KCNH5: variants seen among roughly 807,000 people sequenced by gnomAD.
The protein encoded by KCNH5 is potassium voltage-gated channel subfamily H member 5.
A neutral mutation model predicts 96.1 loss-of-function variants in KCNH5; 46 were observed. The ratio of observed to expected loss-of-function variants is 0.48; its 90% CI spans 0.38 to 0.61. The LOEUF (loss-of-function observed/expected upper bound fraction) is 0.61, where lower values mean the gene tolerates loss of function less well. Among genes scored for constraint, KCNH5 ranks in the 20% least tolerant of loss-of-function variants. KCNH5 has a pLI of 0.00. For missense variants in KCNH5, 907 were observed against 1,225.8 expected, an observed-to-expected ratio of 0.74 and a Z score of 3.88; for synonymous variants, 439 against 449.8, an observed-to-expected ratio of 0.98 and a Z score of 0.30.
intron 10 of KCNH5, among the ~76,000 whole-genome samples, chr14:62,769,825 T>A (rs1220257015): frequency 6.6e-6 from 1 of 152,188 alleles, no homozygotes. Context: ...CCATTGACAA[T>A]AAAGTATTAC....
intron 9 of KCNH5, among the ~76,000 whole-genome samples, chr14:62,791,205 T>G (rs2139988563): frequency 6.6e-6 from 1 of 151,904 alleles, no homozygotes; most frequent in Non-Finnish European, 1.5e-5. Context: ...TAAAACTCAC[T>G]GGTGGAAGTA....
chr14:62,825,260 ATG>A (rs1187313403), intron 8 of KCNH5, among the ~76,000 whole-genome samples: 1 of 152,058 alleles, frequency 6.6e-6, no homozygotes, highest in Non-Finnish European at 1.5e-5. Flanking sequence ...ATATGTATAT[ATG>A]TGTTTCCTGT....
intron 7 of KCNH5, among the ~76,000 whole-genome samples, chr14:62,883,467 A>ATTAAGAATCAAT (rs1250785004): frequency 6.6e-6 from 1 of 152,234 alleles, no homozygotes; most frequent in Non-Finnish European, 1.5e-5. Context: ...TGGAATTCAA[A>ATTAAGAATCAAT]TTAAGAAGAT....
chr14:62,972,300 T>C (rs1890423604), intron 6 of KCNH5, among the ~76,000 whole-genome samples: 1 of 152,194 alleles, frequency 6.6e-6, no homozygotes, highest in African/African-American at 2.4e-5. Flanking sequence ...TTTAAACAGA[T>C]ACCACTACAC....
intron 9 of KCNH5, among the ~76,000 whole-genome samples, chr14:62,792,468 A>G (rs1378602192): frequency 6.6e-6 from 1 of 151,612 alleles, no homozygotes; most frequent in Non-Finnish European, 1.5e-5. Flanking sequence ...GTTTGGCACT[A>G]TTAGTGTTAA....
chr14:62,908,455 C>T (rs117399464), intron 7 of KCNH5, among the ~76,000 whole-genome samples: 3,516 of 152,230 alleles, frequency 0.023, 68 homozygotes, highest in East Asian at 0.083. Context: ...ATCTCTCCTT[C>T]CCACCCCAAA....
At chr14:62,879,083 T>C (rs1888441309) in intron 7 of KCNH5, among the ~76,000 whole-genome samples, 1 of 152,120 alleles carries the variant, frequency 6.6e-6, no homozygotes, top group South Asian at 2.1e-4. Context: ...TAAAACAGTA[T>C]ACTAATGACT....
chr14:63,010,529 C>A lies in KCNH5; in HGVS notation c.198-4057G>T, dbSNP rs114278058. On this transcript the variant is annotated intron_variant, in intron 2 of 10. Coordinates refer to ENST00000322893, the MANE Select transcript of KCNH5 (RefSeq NM_139318.5). ...CCCATGAGGTTGAAGCAAACGCTCA[C>A]TCAGAACCTGCTCCTGTATAATCTG... Among the ~76,000 whole-genome samples the A allele has an allele frequency of 3.5e-3, 528 of 152,312 alleles. 4 individuals are homozygous for A. Among genetic ancestry groups the A allele is most frequent in the African/African-American group, 0.012 (502 of 41,576 alleles).
intron 4 of KCNH5, among the ~76,000 whole-genome samples, chr14:62,997,117 G>A (rs1043244762): frequency 2.6e-5 from 4 of 152,102 alleles, no homozygotes; most frequent in African/African-American, 7.2e-5. Context: ...CACGCAATGC[G>A]TTAATAGTCA....
chr14:62,920,072 A>G (rs1230559591), intron 7 of KCNH5, among the ~76,000 whole-genome samples: 1 of 152,152 alleles, frequency 6.6e-6, no homozygotes, highest in Non-Finnish European at 1.5e-5. Context: ...GCCCATCTCC[A>G]TGATGAGTTG....
intron 7 of KCNH5, among the ~76,000 whole-genome samples, chr14:62,872,028 C>T (rs567128915): frequency 4.6e-5 from 7 of 152,270 alleles, no homozygotes; most frequent in African/African-American, 1.7e-4. Context: ...GTAAATTTCT[C>T]CCTTCAATGG....
At chr14:62,954,628 A>G (rs1387494645) in intron 6 of KCNH5, among the ~76,000 whole-genome samples, 2 of 152,214 alleles carry the variant, frequency 1.3e-5, no homozygotes, top group Non-Finnish European at 2.9e-5. Flanking sequence ...AGAGTATGTC[A>G]TTGAGTACAA....
intron 7 of KCNH5, among the ~76,000 whole-genome samples, chr14:62,918,378 T>G (rs1451727216): frequency 1.3e-5 from 2 of 151,942 alleles, no homozygotes; most frequent in Non-Finnish European, 2.9e-5. Context: ...ATATAAAAAT[T>G]TAAAATTTCT....
At chr14:62,936,492 T>C (rs965777204) in intron 7 of KCNH5, among the ~76,000 whole-genome samples, 3 of 148,428 alleles carry the variant, frequency 2.0e-5, no homozygotes, top group Non-Finnish European at 4.5e-5. Flanking sequence ...CTAGGCAACA[T>C]GGTGAACCCT....
chr14:62,927,286 TG>T (rs1487351326), intron 7 of KCNH5, among the ~76,000 whole-genome samples: 1 of 152,038 alleles, frequency 6.6e-6, no homozygotes, highest in African/African-American at 2.4e-5. Flanking sequence ...GCACTGTTGG[TG>T]GGAATGTGAA....
At chr14:62,783,240 T>C (rs1457991643) in intron 9 of KCNH5, among the ~76,000 whole-genome samples, 1 of 152,138 alleles carries the variant, frequency 6.6e-6, no homozygotes, top group East Asian at 1.9e-4. Context: ...AGTAAATGCA[T>C]CAAAATGGTA....
At chr14:62,846,517 T>C (rs1887694270) in intron 8 of KCNH5, among the ~76,000 whole-genome samples, 1 of 151,876 alleles carries the variant, frequency 6.6e-6, no homozygotes, top group Non-Finnish European at 1.5e-5. Context: ...TCTTGTTTTT[T>C]TGCATTTAAT....
chr14:62,956,623 G>C (rs946790058), intron 6 of KCNH5, among the ~76,000 whole-genome samples: 3 of 150,886 alleles, frequency 2.0e-5, no homozygotes, highest in African/African-American at 7.3e-5. Flanking sequence ...CATGATATTT[G>C]GTGGGGGCGG....
chr14:62,813,060 TAAGCAC>T (rs1886904403), intron 8 of KCNH5, among the ~76,000 whole-genome samples: 1 of 152,154 alleles, frequency 6.6e-6, no homozygotes, highest in Admixed American at 6.6e-5. Flanking sequence ...TCAGATTGTC[TAAGCAC>T]AAATTTTTAG....
Sources: gnomAD v4.1 joint callset for allele counts (sites outside exome capture counted in the v4.1 genomes callset) on GRCh38, gnomAD v4.1.1 for gene constraint, MANE v1.5 for transcripts, NCBI Gene and HGNC (gene_info 2026-07-23, HGNC 2026-07-21) for gene names.